Variants in ANKRD12 observed in about 807,000 individuals in gnomAD.
ANKRD12 encodes the protein ankyrin repeat domain 12.
ANKRD12 carries 85 observed loss-of-function variants against 183.4 expected under a neutral mutation model. That is an observed-to-expected ratio of 0.46 (90% CI 0.39 to 0.56). The LOEUF is 0.56. Among genes scored for constraint, ANKRD12 ranks in the 20% least tolerant of loss-of-function variants. ANKRD12 has a pLI of 0.00. For synonymous variants in ANKRD12, 914 were observed against 800.2 expected (o/e 1.14, Z -2.40); for missense variants, 2,405 against 2,357.1 (o/e 1.02, Z -0.42).
rs750876573 is a variant in ANKRD12 at position 9,195,706 on chromosome 18, A to G, written c.235+8A>G. 6.2e-7 allele frequency: 1 copy of G among 1,603,866 alleles called. No individual in the cohort carries two copies. Among genetic ancestry groups the G allele is most frequent in the Non-Finnish European group, 8.5e-7 (1 of 1,175,400 alleles). ...AACGAGATTCAGACACAGGTAGAAT[A>G]ATTTGCTGTTCTCTGGTAAAATCTT... is the stretch of plus-strand genomic sequence containing the variant. On this transcript the variant is annotated splice_region_variant and intron_variant, in intron 3 of 12. Coordinates refer to ENST00000262126, the MANE Select transcript of ANKRD12 (RefSeq NM_015208.5).
chr18:9,251,834 T>A (rs1359815995), intron 8 of ANKRD12, among the ~76,000 whole-genome samples: 1 of 152,186 alleles, frequency 6.6e-6, no homozygotes, highest in Non-Finnish European at 1.5e-5. Context: ...AAAATTTTAA[T>A]AAAATGTTTT....
At chr18:9,172,718 A>G (rs746913438) in intron 1 of ANKRD12, among the ~76,000 whole-genome samples, 5 of 152,122 alleles carry the variant, frequency 3.3e-5, no homozygotes, top group South Asian at 2.1e-4. Context: ...GCCTACTTCT[A>G]TCAGTTCAGC....
rs1411386130 is a variant in ANKRD12 at position 9,182,245 on chromosome 18, C to G, written c.-51-137C>G. On this transcript the variant is annotated intron_variant, in intron 1 of 12. Transcript: ENST00000262126. Reference sequence around the variant, plus strand: ...ACCAGAAGCTAAAATAAGGTGAAAACTTACTTTAGCTTAGGATAGCCTCTT... The same window carrying G: ...ACCAGAAGCTAAAATAAGGTGAAAAGTTACTTTAGCTTAGGATAGCCTCTT... The G allele has an allele frequency of 1.4e-5, 4 of 290,674 alleles. No homozygotes were observed. The South Asian group carries it at 4.4e-4, about 32-fold the overall frequency. The allele number at this position is 290,674 out of a possible 1,614,324, so 18.0% of individuals were successfully genotyped here. A position where few individuals can be genotyped will look rare whatever the true frequency, so the allele number is the denominator to read the frequency against.
At chr18:9,245,977 A>T (rs2037938932) in intron 8 of ANKRD12, among the ~76,000 whole-genome samples, 1 of 152,328 alleles carries the variant, frequency 6.6e-6, no homozygotes, top group East Asian at 1.9e-4. Context: ...TTGAAGATGT[A>T]ACTCTGCCAC....
chr18:9,241,682 T>C (rs1223955823), intron 8 of ANKRD12, among the ~76,000 whole-genome samples: 1 of 152,216 alleles, frequency 6.6e-6, no homozygotes, highest in Non-Finnish European at 1.5e-5. Flanking sequence ...ACACTTCAAG[T>C]GTTTTGCATG....
chr18:9,179,560 G>A (rs1258985981), intron 1 of ANKRD12, among the ~76,000 whole-genome samples: 1 of 152,150 alleles, frequency 6.6e-6, no homozygotes, highest in Admixed American at 6.5e-5. Context: ...CTGTCACCCA[G>A]ACTGGAGTGC....
intron 1 of ANKRD12, among the ~76,000 whole-genome samples, chr18:9,153,049 G>A (rs1331439996): frequency 6.6e-6 from 1 of 152,076 alleles, no homozygotes; most frequent in Non-Finnish European, 1.5e-5. Context: ...GCCCAGGCTG[G>A]TCTCCAACTC....
chr18:9,259,038 A>C (rs774984342), intron 9 of ANKRD12, 107 bp downstream of exon 9: 3 of 1,279,858 alleles, frequency 2.3e-6, no homozygotes, highest in Admixed American at 2.6e-5. Flanking sequence ...TAATTTCAGC[A>C]AAATAATCTG....
chr18:9,242,318 G>T (rs2037710521), intron 8 of ANKRD12, among the ~76,000 whole-genome samples: 1 of 152,050 alleles, frequency 6.6e-6, no homozygotes, highest in Non-Finnish European at 1.5e-5. Flanking sequence ...ATTTCTACCA[G>T]TGCCTAGCAA....
At chr18:9,172,730 A>G (rs543383802) in intron 1 of ANKRD12, among the ~76,000 whole-genome samples, 19 of 152,294 alleles carry the variant, frequency 1.2e-4, no homozygotes, top group African/African-American at 3.1e-4. Flanking sequence ...CAGTTCAGCC[A>G]TCTCAGCCTC....
At chr18:9,223,726 A>C (rs950599090) in intron 8 of ANKRD12, among the ~76,000 whole-genome samples, 8 of 152,204 alleles carry the variant, frequency 5.3e-5, no homozygotes, top group Non-Finnish European at 1.5e-5. Context: ...TTAGAAATAC[A>C]AGATAAAATT....
At chr18:9,169,390 G>T (rs1307550465) in intron 1 of ANKRD12, among the ~76,000 whole-genome samples, 3 of 152,138 alleles carry the variant, frequency 2.0e-5, no homozygotes, top group Non-Finnish European at 4.4e-5. Context: ...ATGAATCTGG[G>T]TTCTTCTGTA....
At chr18:9,235,056 G>T (rs1282910117) in intron 8 of ANKRD12, among the ~76,000 whole-genome samples, 1 of 152,066 alleles carries the variant, frequency 6.6e-6, no homozygotes, top group African/African-American at 2.4e-5. Flanking sequence ...CCTATTCAAG[G>T]TATGATTACC....
At chr18:9,230,440 T>A (rs1278353350) in intron 8 of ANKRD12, among the ~76,000 whole-genome samples, 1 of 152,166 alleles carries the variant, frequency 6.6e-6, no homozygotes, top group Non-Finnish European at 1.5e-5. Flanking sequence ...TGCATTTTTT[T>A]AAGTCTCTGT....
intron 1 of ANKRD12, among the ~76,000 whole-genome samples, chr18:9,149,267 A>G (rs2078598678): frequency 6.6e-6 from 1 of 152,238 alleles, no homozygotes; most frequent in African/African-American, 2.4e-5. Context: ...AGTGTTTAAT[A>G]AATGCTAAGT....
chr18:9,256,735 T>C lies in ANKRD12; in HGVS notation c.3468T>C (p.Pro1156=), dbSNP rs143933201. ...ATGCATATACCAAGGAGAAACAACC[T>C]AAAGATGCTGTAAGTAACAGATCAC... ...VTDAYTKEKQ[P]KDAVSNRSQS... Residue 1156 remains proline, a synonymous_variant, in exon 9 of 13, where the codon CCT becomes CCC. Coordinates refer to ENST00000262126, the MANE Select transcript of ANKRD12 (RefSeq NM_015208.5). 11 of 1,612,708 alleles carry C rather than the reference T, an allele frequency of 6.8e-6. No homozygotes were observed. The highest frequency in any genetic ancestry group is 7.6e-6 in the Non-Finnish European group (9 of 1,179,636).
intron 8 of ANKRD12, among the ~76,000 whole-genome samples, chr18:9,223,293 G>A (rs1388148594): frequency 4.6e-5 from 7 of 150,870 alleles, no homozygotes; most frequent in South Asian, 2.1e-4. Flanking sequence ...TCGCTCTGTC[G>A]CCCTGGCTGG....
At chr18:9,157,967 TG>T (rs2030859302) in intron 1 of ANKRD12, among the ~76,000 whole-genome samples, 1 of 152,000 alleles carries the variant, frequency 6.6e-6, no homozygotes, top group African/African-American at 2.4e-5. Flanking sequence ...GAAACCAGGA[TG>T]GGGGCAGGAT....
At chr18:9,151,690 A>C (rs1018381559) in intron 1 of ANKRD12, among the ~76,000 whole-genome samples, 1 of 152,222 alleles carries the variant, frequency 6.6e-6, no homozygotes, top group Admixed American at 6.5e-5. Flanking sequence ...TTTCGAAGAA[A>C]GCGTTTTTGC....
Sources: allele counts gnomAD v4.1 joint callset (sites outside exome capture counted in the v4.1 genomes callset), GRCh38; gene constraint gnomAD v4.1.1; transcripts MANE v1.5; gene names NCBI Gene and HGNC (gene_info 2026-07-23, HGNC 2026-07-21).